Variants in FRMD3 observed in about 807,000 individuals in gnomAD.
FRMD3 encodes the protein FERM domain-containing protein 3.
FRMD3 carries 33 observed loss-of-function variants against 70.2 expected under a neutral mutation model. That is an observed-to-expected ratio of 0.47 (90% CI 0.36 to 0.63). FRMD3 has a LOEUF of 0.63. FRMD3 is among the 20% of genes least tolerant of loss of function. The pLI, the probability that FRMD3 is intolerant of heterozygous loss-of-function variation, is 0.00. For missense variants in FRMD3, 632 were observed against 711.4 expected, an observed-to-expected ratio of 0.89 and a Z score of 1.27; for synonymous variants, 279 against 255.9, an observed-to-expected ratio of 1.09 and a Z score of -0.86.
At chr9:83,283,537 A>T (rs1259727306) in intron 13 of FRMD3, among the ~76,000 whole-genome samples, 1 of 44,618 alleles carries the variant, frequency 2.2e-5, no homozygotes, top group African/African-American at 4.5e-5. Flanking sequence ...TCTCAAAAAA[A>T]AAAAAAAAAA....
At chr9:83,350,160 G>A (rs1285303223) in intron 3 of FRMD3, among the ~76,000 whole-genome samples, 4 of 151,974 alleles carry the variant, frequency 2.6e-5, no homozygotes, top group Admixed American at 2.0e-4. Flanking sequence ...GATTTTTTTA[G>A]CCTGTGAGGT....
intron 3 of FRMD3, among the ~76,000 whole-genome samples, chr9:83,362,094 GA>G (rs1341280308): frequency 6.6e-6 from 1 of 152,126 alleles, no homozygotes; most frequent in African/African-American, 2.4e-5. Flanking sequence ...AGAACAAGTA[GA>G]GTTGAGAGTC....
At position 83,362,557 on chromosome 9, in the gene FRMD3, C is replaced by A. The variant is rs144908131; in HGVS notation, c.295+10356G>T. Among the ~76,000 whole-genome samples, 955 of 152,288 alleles carry A rather than the reference C, an allele frequency of 6.3e-3. 14 individuals carry two copies. Among genetic ancestry groups the A allele is most frequent in the African/African-American group, 0.021 (858 of 41,548 alleles). On this transcript the variant is annotated intron_variant, in intron 3 of 13. Transcript: ENST00000304195. ...CCTGCCCCTTCAGGGTGCTTGGGAG[C>A]AGCACAGTCTCTGGTAAATAGGGCA... is the stretch of plus-strand genomic sequence containing the variant.
At chr9:83,369,787 TGGG>T (rs1427212345) in intron 3 of FRMD3, among the ~76,000 whole-genome samples, 1 of 152,070 alleles carries the variant, frequency 6.6e-6, no homozygotes, top group Non-Finnish European at 1.5e-5. Context: ...TTATATATGT[TGGG>T]GGCTTATATA....
intron 1 of FRMD3, among the ~76,000 whole-genome samples, chr9:83,496,119 A>C (rs957634942): frequency 1.3e-4 from 20 of 152,242 alleles, no homozygotes; most frequent in African/African-American, 4.1e-4. Context: ...TGCCTGCTCC[A>C]CAAGAAGTAT....
At chr9:83,406,370 T>C (rs969366673) in intron 1 of FRMD3, among the ~76,000 whole-genome samples, 14 of 152,326 alleles carry the variant, frequency 9.2e-5, no homozygotes, top group African/African-American at 3.4e-4. Flanking sequence ...CACAATGAAC[T>C]GCAGTGTCTG....
At chr9:83,520,153 A>G (rs1829539773) in intron 1 of FRMD3, among the ~76,000 whole-genome samples, 2 of 152,256 alleles carry the variant, frequency 1.3e-5, no homozygotes, top group South Asian at 2.1e-4. Context: ...TTAAAAAAGG[A>G]AATATGAAAA....
rs893520168 is a variant in FRMD3, at chr9:83,323,200, G to A, written c.597-9453C>T. On this transcript the variant is annotated intron_variant, in intron 6 of 13. Transcript: ENST00000304195. ...AGTTATATACACAACAGAAATTAGT[G>A]CATGTTGCACCAAGAAATAGATAGA... 3.3e-5 allele frequency among the ~76,000 whole-genome samples: 5 copies of A among 152,284 alleles called. 1 individual carries two copies. The South Asian group carries it at 1.0e-3, about 32-fold the overall frequency.
chr9:83,330,016 A>G (rs1836191222), intron 6 of FRMD3, among the ~76,000 whole-genome samples: 1 of 152,034 alleles, frequency 6.6e-6, no homozygotes. Flanking sequence ...ATTTCCTCTT[A>G]CCCCAGGTGG....
chr9:83,438,730 A>G (rs1827212105), intron 1 of FRMD3, among the ~76,000 whole-genome samples: 1 of 152,206 alleles, frequency 6.6e-6, no homozygotes. Context: ...CAGATGTACG[A>G]TCAGATCTGA....
downstream of FRMD3, chr9:83,243,119 C>A: frequency 7.1e-7 from 1 of 1,416,598 alleles, no homozygotes; most frequent in Admixed American, 2.0e-5. Flanking sequence ...ACCGAACTTA[C>A]CCACCCAGTC....
At chr9:83,369,690 T>C (rs1387896239) in intron 3 of FRMD3, among the ~76,000 whole-genome samples, 4 of 151,898 alleles carry the variant, frequency 2.6e-5, no homozygotes, top group Non-Finnish European at 5.9e-5. Context: ...TTATGGATAT[T>C]TTTAAATTTC....
In FRMD3 at chr9:83,244,965, G is replaced by T. The variant is rs1832020703; in HGVS notation, c.*2953C>A. 12 of 981,116 alleles carry T rather than the reference G, an allele frequency of 1.2e-5. No individual in the cohort carries two copies. In the South Asian group the frequency reaches 5.2e-4, roughly 42 times the overall value. 60.8% of individuals were successfully genotyped at this position (981,116 alleles called of 1,614,324 possible). On this transcript the variant is annotated 3_prime_UTR_variant, in exon 14 of 14. Coordinates refer to ENST00000304195, the MANE Select transcript of FRMD3 (RefSeq NM_174938.6). Reference sequence around the variant, plus strand: ...CAATATTGTGTGTGTATATGTATTTGCCATATGTGTGTGTGTATTATATAT... The same window carrying T: ...CAATATTGTGTGTGTATATGTATTTTCCATATGTGTGTGTGTATTATATAT...
At chr9:83,268,080 A>G (rs1296720443) in intron 13 of FRMD3, among the ~76,000 whole-genome samples, 1 of 152,218 alleles carries the variant, frequency 6.6e-6, no homozygotes, top group African/African-American at 2.4e-5. Context: ...TCGGCTGACT[A>G]AAGTTAGTGT....
At chr9:83,301,756 G>A (rs1834938369) in intron 10 of FRMD3, among the ~76,000 whole-genome samples, 1 of 152,220 alleles carries the variant, frequency 6.6e-6, no homozygotes, top group Admixed American at 6.5e-5. Flanking sequence ...CTCTTAGAGG[G>A]AAGTCTCAGT....
At chr9:83,508,504 C>T (rs1829257327) in intron 1 of FRMD3, among the ~76,000 whole-genome samples, 1 of 152,172 alleles carries the variant, frequency 6.6e-6, no homozygotes, top group Admixed American at 6.5e-5. Flanking sequence ...GCACACTGGC[C>T]TACAAACTCC....
intron 1 of FRMD3, among the ~76,000 whole-genome samples, chr9:83,423,433 A>G (rs1826700394): frequency 6.6e-6 from 1 of 152,022 alleles, no homozygotes; most frequent in Non-Finnish European, 1.5e-5. Flanking sequence ...CCAGGCAGGG[A>G]TGGGGCACCA....
At chr9:83,560,364 TAAG>T in the FRMD3 span, among the ~76,000 whole-genome samples, 15 of 152,146 alleles carry the variant, frequency 9.9e-5, no homozygotes, top group African/African-American at 2.7e-4. Flanking sequence ...ACTTCTATTA[TAAG>T]AAGAACATGC....
the FRMD3 span, among the ~76,000 whole-genome samples, chr9:83,549,146 T>G: frequency 6.6e-6 from 1 of 152,116 alleles, no homozygotes; most frequent in Non-Finnish European, 1.5e-5. Flanking sequence ...TTTGTTTCCC[T>G]CTTTGTGTTC....
Sources: allele counts gnomAD v4.1 joint callset (sites outside exome capture counted in the v4.1 genomes callset), GRCh38; gene constraint gnomAD v4.1.1; transcripts MANE v1.5; gene names NCBI Gene and HGNC (gene_info 2026-07-23, HGNC 2026-07-21).